The following HMBOX1 variants were observed in gnomAD, a reference collection of about 807,000 sequenced individuals.
HMBOX1 encodes the protein homeobox containing 1.
Under a neutral mutation model 54.5 loss-of-function variants are expected in HMBOX1, and 14 were observed. The ratio of observed to expected loss-of-function variants is 0.26; its 90% confidence interval spans 0.17 to 0.40. The LOEUF is 0.40. Among genes scored for constraint, HMBOX1 ranks in the 10% least tolerant of loss-of-function variants. The pLI is 1.00. For missense variants in HMBOX1, 332 were observed against 514.4 expected (o/e 0.65, Z 3.43); for synonymous variants, 160 against 181.0 (o/e 0.88, Z 0.93).
intron 1 of HMBOX1, among the ~76,000 whole-genome samples, chr8:28,944,648 A>G (rs1451993445): frequency 6.6e-6 from 1 of 152,064 alleles, no homozygotes; most frequent in African/African-American, 2.4e-5. Context: ...AGAAATTCCC[A>G]CTGGAGAGAG....
At chr8:28,961,707 C>A (rs1208626847) in intron 1 of HMBOX1, among the ~76,000 whole-genome samples, 6 of 152,018 alleles carry the variant, frequency 3.9e-5, no homozygotes, top group African/African-American at 1.5e-4. Context: ...AAAGTGGAAT[C>A]GCTGGATCAT....
intron 1 of HMBOX1, among the ~76,000 whole-genome samples, chr8:28,912,039 C>T (rs890464034): frequency 6.6e-6 from 1 of 152,190 alleles, no homozygotes; most frequent in African/African-American, 2.4e-5. Context: ...GCCAAATCAT[C>T]TAACCAAAGG....
chr8:28,908,491 A>G (rs1814763543), intron 1 of HMBOX1, among the ~76,000 whole-genome samples: 1 of 152,202 alleles, frequency 6.6e-6, no homozygotes, highest in South Asian at 2.1e-4. Flanking sequence ...GTGGTGGCTC[A>G]CACCTGTAAT....
intron 6 of HMBOX1, among the ~76,000 whole-genome samples, chr8:29,041,408 T>C (rs1804799109): frequency 6.6e-6 from 1 of 152,122 alleles, no homozygotes; most frequent in Non-Finnish European, 1.5e-5. Flanking sequence ...CCACACTGGG[T>C]TGGTGGTGCC....
At chr8:28,946,358 C>A (rs1822455270) in intron 1 of HMBOX1, among the ~76,000 whole-genome samples, 4 of 151,794 alleles carry the variant, frequency 2.6e-5, no homozygotes, top group Admixed American at 2.6e-4. Flanking sequence ...CACTTGAGGT[C>A]AGGAGTTTGA....
intron 1 of HMBOX1, among the ~76,000 whole-genome samples, chr8:28,962,128 A>C (rs566910261): frequency 6.6e-6 from 1 of 152,138 alleles, no homozygotes; most frequent in African/African-American, 2.4e-5. Context: ...TTTTAAAATA[A>C]CTTGAAAACA....
At chr8:28,943,969 A>G (rs1386136448) in intron 1 of HMBOX1, among the ~76,000 whole-genome samples, 1 of 152,186 alleles carries the variant, frequency 6.6e-6, no homozygotes, top group Non-Finnish European at 1.5e-5. Flanking sequence ...ATCCAGCCCC[A>G]TAAGCCAGGA....
intron 4 of HMBOX1, among the ~76,000 whole-genome samples, chr8:28,996,412 G>A (rs1218950156): frequency 1.3e-5 from 2 of 152,056 alleles, no homozygotes; most frequent in East Asian, 3.9e-4. Context: ...ATGTTTTTGG[G>A]TTGTCTTTTC....
At chr8:28,891,538 T>G (rs1810952447) in intron 1 of HMBOX1, 1 of 152,208 alleles carries the variant, frequency 6.6e-6, no homozygotes, top group African/African-American at 2.4e-5. Context: ...TGCTGAAGAT[T>G]CGGGGGGCCT....
intron 1 of HMBOX1, among the ~76,000 whole-genome samples, chr8:28,936,971 G>T (rs1007552385): frequency 4.6e-5 from 7 of 151,912 alleles, no homozygotes; most frequent in Non-Finnish European, 8.8e-5. Flanking sequence ...TTCATTTTAG[G>T]TGGTACAGGA....
intron 1 of HMBOX1, among the ~76,000 whole-genome samples, chr8:28,945,321 T>A (rs1822230707): frequency 6.6e-6 from 1 of 152,214 alleles, no homozygotes; most frequent in South Asian, 2.1e-4. Context: ...TTGTGCAAGA[T>A]CAAACTGCTA....
chr8:28,912,270 A>G (rs1051836322), intron 1 of HMBOX1, among the ~76,000 whole-genome samples: 8 of 152,226 alleles, frequency 5.3e-5, no homozygotes, highest in African/African-American at 1.9e-4. Flanking sequence ...TTTCTAAAGG[A>G]AGCTGGGATA....
intron 1 of HMBOX1, among the ~76,000 whole-genome samples, chr8:28,913,711 C>A (rs558712024): frequency 6.6e-6 from 1 of 152,206 alleles, no homozygotes; most frequent in Non-Finnish European, 1.5e-5. Flanking sequence ...TGCTTAGTAA[C>A]GTCTGCTAAG....
chr8:28,957,338 T>C (rs141196147), intron 1 of HMBOX1, among the ~76,000 whole-genome samples: 11 of 152,302 alleles, frequency 7.2e-5, no homozygotes, highest in African/African-American at 2.6e-4. Flanking sequence ...TTCTCACTTA[T>C]AAGTGGGTGC....
chr8:28,947,332 G>T (rs1822647248), intron 1 of HMBOX1, among the ~76,000 whole-genome samples: 1 of 152,170 alleles, frequency 6.6e-6, no homozygotes, highest in Non-Finnish European at 1.5e-5. Context: ...GCTTTTAGTT[G>T]TGAACCACTA....
At chr8:28,957,120 T>C (rs1824601384) in intron 1 of HMBOX1, among the ~76,000 whole-genome samples, 2 of 152,142 alleles carry the variant, frequency 1.3e-5, no homozygotes, top group African/African-American at 4.8e-5. Context: ...CACCCATGTG[T>C]TCATTGCAGC....
intron 9 of HMBOX1, chr8:29,050,233 G>A (rs1042815043): frequency 2.0e-6 from 2 of 984,594 alleles, no homozygotes; most frequent in Non-Finnish European, 2.4e-6. Flanking sequence ...CTTTGATACG[G>A]AGTTCCCCTG....
chr8:28,993,660 A>T (rs7823358), intron 4 of HMBOX1, among the ~76,000 whole-genome samples: 3 of 152,014 alleles, frequency 2.0e-5, no homozygotes, highest in Non-Finnish European at 4.4e-5. Context: ...TGTATTAAAA[A>T]AAAATTCCAG....
intron 2 of HMBOX1, among the ~76,000 whole-genome samples, chr8:28,966,617 T>A (rs1474114830): frequency 3.3e-5 from 5 of 152,186 alleles, no homozygotes; most frequent in African/African-American, 4.8e-5. Context: ...GAAATAAAAT[T>A]GTGAAATGCC....
Sources: allele counts gnomAD v4.1 joint callset (sites outside exome capture counted in the v4.1 genomes callset), GRCh38; gene constraint gnomAD v4.1.1; transcripts MANE v1.5; gene names NCBI Gene and HGNC (gene_info 2026-07-23, HGNC 2026-07-21).